VPS53: variants seen among roughly 807,000 people sequenced by gnomAD.
VPS53 encodes the protein VPS53 subunit of GARP complex.
VPS53 carries 70 observed loss-of-function variants against 107.0 expected under a neutral mutation model. The ratio of observed to expected loss-of-function variants is 0.65; its 90% CI spans 0.54 to 0.80. The LOEUF is 0.80. Among genes scored for constraint, VPS53 ranks in the 30% least tolerant of loss-of-function variants. The pLI, the probability that VPS53 is intolerant of heterozygous loss-of-function variation, is 0.00. For missense variants in VPS53, 917 were observed against 1,049.4 expected (o/e 0.87, Z 1.74); for synonymous variants, 409 against 393.3 (o/e 1.04, Z -0.47).
At chr17:566,831 C>T (rs1377403930) in intron 13 of VPS53, among the ~76,000 whole-genome samples, 5 of 151,930 alleles carry the variant, frequency 3.3e-5, no homozygotes, top group African/African-American at 1.2e-4. Context: ...GCAACCTCTG[C>T]CTCCCGGGTT....
chr17:712,857 T>C (rs1973694242), intron 1 of VPS53, among the ~76,000 whole-genome samples: 1 of 152,160 alleles, frequency 6.6e-6, no homozygotes, highest in Non-Finnish European at 1.5e-5. Flanking sequence ...AGTAACTGAC[T>C]GCATTATTCT....
intron 19 of VPS53, among the ~76,000 whole-genome samples, chr17:526,700 G>T (rs573712826): frequency 6.6e-6 from 1 of 152,234 alleles, no homozygotes; most frequent in Non-Finnish European, 1.5e-5. Flanking sequence ...AGTGTGGGCT[G>T]GCTAATGTTG....
intron 7 of VPS53, among the ~76,000 whole-genome samples, chr17:637,657 G>C (rs1389877834): frequency 6.6e-6 from 1 of 152,146 alleles, no homozygotes; most frequent in Non-Finnish European, 1.5e-5. Context: ...CTTCATGTCT[G>C]CCTTCATTTC....
At chr17:531,987 G>C (rs1477629716) in intron 19 of VPS53, 2 of 118,352 alleles carry the variant, frequency 1.7e-5, no homozygotes, top group Admixed American at 9.9e-5. Flanking sequence ...TTTCGCTCTT[G>C]TTGCCCAGGC....
At chr17:687,850 T>A (rs1283127239) in intron 4 of VPS53, among the ~76,000 whole-genome samples, 1 of 152,180 alleles carries the variant, frequency 6.6e-6, no homozygotes, top group African/African-American at 2.4e-5. Flanking sequence ...AAGTTAAATA[T>A]CTTGTCCAAG....
intron 13 of VPS53, among the ~76,000 whole-genome samples, chr17:577,395 A>C (rs1914715854): frequency 1.3e-5 from 2 of 151,616 alleles, no homozygotes; most frequent in South Asian, 4.2e-4. Context: ...TCCAAACCTA[A>C]TGCGTTACCA....
At chr17:633,647 T>TA (rs1199034952) in intron 7 of VPS53, among the ~76,000 whole-genome samples, 19 of 152,140 alleles carry the variant, frequency 1.2e-4, no homozygotes, top group Admixed American at 1.2e-3. Context: ...AAACCACTCT[T>TA]AGAGGTGGGT....
intron 15 of VPS53, among the ~76,000 whole-genome samples, chr17:554,723 A>C (rs1912181698): frequency 6.6e-6 from 1 of 152,232 alleles, no homozygotes; most frequent in Non-Finnish European, 1.5e-5. Context: ...GTGCCAGGAC[A>C]GAATAACCAA....
At chr17:611,796 GCA>G (rs1968889973) in intron 11 of VPS53, among the ~76,000 whole-genome samples, 1 of 151,936 alleles carries the variant, frequency 6.6e-6, no homozygotes, top group Non-Finnish European at 1.5e-5. Flanking sequence ...GTGAAAACCT[GCA>G]CAGATATTCA....
intron 17 of VPS53, among the ~76,000 whole-genome samples, chr17:541,673 G>T (rs1910677048): frequency 6.9e-6 from 1 of 145,134 alleles, no homozygotes; most frequent in Non-Finnish European, 1.5e-5. Flanking sequence ...GGCGCTGAAG[G>T]AATGTTTATC....
chr17:516,300 C>T lies in VPS53; in HGVS notation c.*2828G>A, dbSNP rs1908306341. ...TAACAAGGTGTAAACGTTATAACTA[C>T]CTATGGAACTTTTAAACCTGTATGC... On this transcript the variant is annotated 3_prime_UTR_variant, in exon 22 of 22. Transcript: ENST00000437048. 6.6e-6 allele frequency: 1 copy of T among 152,116 alleles called. No homozygotes were observed. Among genetic ancestry groups the T allele is most frequent in the Non-Finnish European group, 1.5e-5 (1 of 68,022 alleles). The allele number at this position is 152,116 out of a possible 1,614,324, so 9.4% of individuals were successfully genotyped here.
chr17:535,347 C>T (rs1909958739), intron 18 of VPS53, among the ~76,000 whole-genome samples: 1 of 152,220 alleles, frequency 6.6e-6, no homozygotes, highest in African/African-American at 2.4e-5. Flanking sequence ...ACTCCTCCTT[C>T]ACTTTAACGT....
chr17:558,301 A>G (rs545371480), intron 15 of VPS53, among the ~76,000 whole-genome samples: 2 of 152,310 alleles, frequency 1.3e-5, no homozygotes, highest in African/African-American at 4.8e-5. Context: ...CCCCGTCTCT[A>G]CTAAAAATAC....
At chr17:541,228 G>A (rs977437588) in intron 17 of VPS53, among the ~76,000 whole-genome samples, 1 of 152,188 alleles carries the variant, frequency 6.6e-6, no homozygotes, top group Non-Finnish European at 1.5e-5. Flanking sequence ...TTTCACTCCC[G>A]CAGCATCTGC....
At chr17:552,003 A>G in intron 16 of VPS53, 53 bp from the exon 17 acceptor site, 1 of 1,480,356 alleles carries the variant, frequency 6.8e-7, no homozygotes, top group Non-Finnish European at 9.2e-7. Flanking sequence ...GGCCGTCTGA[A>G]TGACTGACAC....
chr17:625,622 C>T lies in VPS53; in HGVS notation c.974+1552G>A, dbSNP rs927300153. On this transcript the variant is annotated intron_variant, in intron 10 of 21. Transcript: ENST00000437048. ...AATGCATCGCTCTGGCGGAAGGTGC[C>T]GACCATGGGGAAGACTATGCACGTG... Among the ~76,000 whole-genome samples the T allele has an allele frequency of 3.9e-5, 6 of 152,226 alleles. No individual in the cohort carries two copies. In the East Asian group the frequency reaches 5.8e-4, roughly 15 times the overall value.
At chr17:560,076 C>A (rs1000708165) in intron 15 of VPS53, among the ~76,000 whole-genome samples, 1 of 152,246 alleles carries the variant, frequency 6.6e-6, no homozygotes, top group Non-Finnish European at 1.5e-5. Flanking sequence ...GACTCATCAT[C>A]ACCAAAGGCT....
chr17:698,355 C>T (rs1973060084), intron 3 of VPS53, among the ~76,000 whole-genome samples: 2 of 151,516 alleles, frequency 1.3e-5, no homozygotes, highest in Admixed American at 1.3e-4. Flanking sequence ...ATTGCTCGAA[C>T]CTGGGAGGTG....
intron 2 of VPS53, among the ~76,000 whole-genome samples, chr17:706,883 G>GC (rs1973427073): frequency 6.6e-6 from 1 of 152,066 alleles, no homozygotes; most frequent in South Asian, 2.1e-4. Flanking sequence ...GTGATCTACT[G>GC]CGTGAGTCTC....
Sources: gnomAD v4.1 joint callset for allele counts (sites outside exome capture counted in the v4.1 genomes callset) on GRCh38, gnomAD v4.1.1 for gene constraint, MANE v1.5 for transcripts, NCBI Gene and HGNC (gene_info 2026-07-23, HGNC 2026-07-21) for gene names.